Variants in CD163L1 observed in about 807,000 individuals in gnomAD.
The protein encoded by CD163L1 is scavenger receptor cysteine-rich type 1 protein M160.
In CD163L1, 124 loss-of-function variants were observed where a neutral mutation model predicts 165.4. That is an observed-to-expected ratio of 0.75 (90% CI 0.65 to 0.87). The LOEUF is 0.87. CD163L1 is among the 40% of genes least tolerant of loss of function. The probability of loss-of-function intolerance (pLI) is 0.00; values close to 1 mark genes in which losing one functional copy is unlikely to be tolerated. For synonymous variants in CD163L1, 585 were observed against 662.2 expected (o/e 0.88, Z 1.79); for missense variants, 1,525 against 1,799.9 (o/e 0.85, Z 2.76).
At chr12:7,425,208 A>C (rs887634430) in intron 4 of CD163L1, among the ~76,000 whole-genome samples, 38 of 152,350 alleles carry the variant, frequency 2.5e-4, no homozygotes, top group African/African-American at 9.1e-4. Context: ...ATCCTTGATA[A>C]ACATGACAAA....
Position 7,372,342 on chromosome 12 carries a change from A to G in CD163L1, c.3730+978T>C, listed in dbSNP as rs1419264355. 1.3e-5 allele frequency among the ~76,000 whole-genome samples: 2 copies of G among 152,074 alleles called. No homozygotes were observed. Among genetic ancestry groups the G allele is most frequent in the East Asian group, 3.9e-4 (2 of 5,190 alleles). On this transcript the variant is annotated intron_variant, in intron 14 of 19. Coordinates refer to ENST00000313599, the MANE Select transcript of CD163L1 (RefSeq NM_174941.6). This position sits in a 1 kb window ranked among gnomAD's most constrained non-coding sequence, Gnocchi z 4.2. ...CATATAAAGAATCATAAAAATGTTCACTCATTTTACCCACTCATTTTGGGA... is the reference window on the plus strand; with the variant it reads ...CATATAAAGAATCATAAAAATGTTCGCTCATTTTACCCACTCATTTTGGGA...
At chr12:7,404,923 T>G (rs1249621899) in intron 5 of CD163L1, among the ~76,000 whole-genome samples, 1 of 152,164 alleles carries the variant, frequency 6.6e-6, no homozygotes, top group Non-Finnish European at 1.5e-5. Context: ...GGTCACATAA[T>G]TATCAAGTGA....
rs1380281566 is a variant in CD163L1, at chr12:7,368,821, A to G, written c.4072+112T>C. On this transcript the variant is annotated intron_variant, in intron 16 of 19. Coordinates refer to ENST00000313599, the MANE Select transcript of CD163L1 (RefSeq NM_174941.6). This position sits in a 1 kb window ranked among gnomAD's most constrained non-coding sequence, Gnocchi z 4.3. Reference sequence around the variant, plus strand: ...ACCACTGGCTGCGACCCACAGACTCATATTTCTGCAGTCCCCAGTCTTCTT... The same window carrying G: ...ACCACTGGCTGCGACCCACAGACTCGTATTTCTGCAGTCCCCAGTCTTCTT... 7 of 1,198,178 alleles carry G rather than the reference A, an allele frequency of 5.8e-6. No individual in the cohort carries two copies. The highest frequency in any genetic ancestry group is 3.7e-5 in the South Asian group (3 of 81,016). 74.2% of individuals were successfully genotyped at this position (1,198,178 alleles called of 1,614,324 possible).
At chr12:7,420,892 C>T (rs184647312) in intron 4 of CD163L1, among the ~76,000 whole-genome samples, 4 of 150,072 alleles carry the variant, frequency 2.7e-5, no homozygotes, top group East Asian at 2.0e-4. Flanking sequence ...AAGGTATTTG[C>T]ACATGCATGT....
intron 4 of CD163L1, among the ~76,000 whole-genome samples, chr12:7,414,555 C>T (rs1013790397): frequency 2.0e-5 from 3 of 151,646 alleles, no homozygotes; most frequent in Non-Finnish European, 4.4e-5. Context: ...AAATTAATAA[C>T]TAAAAATTTC....
chr12:7,365,822 T>C (rs893315149), intron 18 of CD163L1, among the ~76,000 whole-genome samples: 1 of 152,038 alleles, frequency 6.6e-6, no homozygotes, highest in Admixed American at 6.5e-5. Flanking sequence ...GGAATATAAA[T>C]TAGGATAGTC....
At chr12:7,339,378 A>G in the CD163L1 span, among the ~76,000 whole-genome samples, 4 of 152,168 alleles carry the variant, frequency 2.6e-5, no homozygotes, top group Non-Finnish European at 4.4e-5. Context: ...TCTCTGATGC[A>G]GTATGCTTTG....
At chr12:7,335,814 A>G in the CD163L1 span, among the ~76,000 whole-genome samples, 2 of 152,282 alleles carry the variant, frequency 1.3e-5, no homozygotes, top group East Asian at 1.9e-4. Context: ...ATTTACAAGA[A>G]AAAACAAACA....
the CD163L1 span, among the ~76,000 whole-genome samples, chr12:7,319,258 A>G: frequency 2.0e-5 from 3 of 152,106 alleles, no homozygotes; most frequent in Admixed American, 6.5e-5. Flanking sequence ...TAATGCCACC[A>G]TTGACCTGAC....
Position 7,418,141 on chromosome 12 carries a change from C to T in CD163L1, c.767-11289G>A, listed in dbSNP as rs181382778. On this transcript the variant is annotated intron_variant, in intron 4 of 19. Transcript: ENST00000313599. ...ATAGACTATATGTTATGCCACAAAACGAGTCTCCACACATTTAAGAAAACC... is the reference window on the plus strand; with the variant it reads ...ATAGACTATATGTTATGCCACAAAATGAGTCTCCACACATTTAAGAAAACC... Among the ~76,000 whole-genome samples the T allele has an allele frequency of 1.1e-4, 17 of 152,024 alleles. No individual in the cohort carries two copies. In the East Asian group the frequency reaches 1.9e-3, roughly 17 times the overall value.
At chr12:7,436,336 G>C (rs1400698307) in intron 2 of CD163L1, among the ~76,000 whole-genome samples, 2 of 151,952 alleles carry the variant, frequency 1.3e-5, no homozygotes, top group East Asian at 3.8e-4. Flanking sequence ...TTTGTAACTG[G>C]ACAAGAACCA....
chr12:7,338,264 G>A, the CD163L1 span, among the ~76,000 whole-genome samples: 1 of 152,070 alleles, frequency 6.6e-6, no homozygotes, highest in Non-Finnish European at 1.5e-5. Context: ...GTATACCTAT[G>A]TAACAAACCT....
At chr12:7,359,482 C>A (rs1307611600) in intron 18 of CD163L1, among the ~76,000 whole-genome samples, 3 of 151,956 alleles carry the variant, frequency 2.0e-5, no homozygotes, top group Non-Finnish European at 4.4e-5. Flanking sequence ...AAAGAACCAT[C>A]AACTTAGAAT....
chr12:7,378,893 T>C (rs1947325148), intron 9 of CD163L1, 85 bp downstream of exon 9: 28 of 1,302,988 alleles, frequency 2.1e-5, no homozygotes, highest in African/African-American at 3.0e-5. Context: ...CCTAATACTG[T>C]TAAATAGCCA....
At chr12:7,384,337 A>G (rs1328272890) in intron 8 of CD163L1, among the ~76,000 whole-genome samples, 1 of 152,118 alleles carries the variant, frequency 6.6e-6, no homozygotes, top group African/African-American at 2.4e-5. Context: ...GTGTTCCAGA[A>G]GGAGAAGAGA....
chr12:7,330,791 C>A, the CD163L1 span, among the ~76,000 whole-genome samples: 1 of 152,166 alleles, frequency 6.6e-6, no homozygotes, highest in Non-Finnish European at 1.5e-5. Flanking sequence ...TTCAAGAGTT[C>A]CTCTGGCAAG....
At chr12:7,408,093 A>ATCTC (rs146292236) in intron 4 of CD163L1, among the ~76,000 whole-genome samples, 1 of 150,114 alleles carries the variant, frequency 6.7e-6, no homozygotes, top group South Asian at 2.1e-4. Context: ...ATATATATAT[A>ATCTC]TCATATATAT....
chr12:7,369,575 G>C lies in CD163L1; in HGVS notation c.3821C>G (p.Ser1274Cys), dbSNP rs142841462. The C allele has an allele frequency of 3.1e-6, 5 of 1,614,022 alleles. No individual in the cohort carries two copies. The highest frequency in any genetic ancestry group is 4.2e-6 in the Non-Finnish European group (5 of 1,180,016). Reference protein sequence around the residue: ...AGSWGTVCDDSWDLAEAEVVC... With the variant: ...AGSWGTVCDDCWDLAEAEVVC... ...CACTTCCGCCTCGGCCAGGTCCCAG[G>C]AGTCATCACACACTGTGCCCCAGGA... The change falls in exon 15 of 20, where the codon TCC becomes TGC. Residue 1274 changes from serine (S) to cysteine (C), a missense_variant. Ser to Cys is a moderately radical substitution (Grantham distance 112). Coordinates refer to ENST00000313599, the MANE Select transcript of CD163L1 (RefSeq NM_174941.6). This position sits in a 1 kb window ranked among gnomAD's most constrained non-coding sequence, Gnocchi z 4.9.
At chr12:7,339,196 T>C in the CD163L1 span, among the ~76,000 whole-genome samples, 1 of 152,148 alleles carries the variant, frequency 6.6e-6, no homozygotes, top group Non-Finnish European at 1.5e-5. Context: ...ATATACAATT[T>C]AAATACTTGG....
Sources: allele counts gnomAD v4.1 joint callset (sites outside exome capture counted in the v4.1 genomes callset), GRCh38; gene constraint gnomAD v4.1.1; non-coding constraint Gnocchi (gnomAD v3.1); transcripts MANE v1.5; gene names NCBI Gene and HGNC (gene_info 2026-07-23, HGNC 2026-07-21).